Variants in NAPA observed in about 807,000 individuals in gnomAD.
The protein encoded by NAPA is NSF attachment protein alpha, also known as alpha-soluble NSF attachment protein.
Under a neutral mutation model 48.0 loss-of-function variants are expected in NAPA, and 18 were observed. The observed-to-expected ratio is 0.38, with a 90% CI of 0.26 to 0.56. The LOEUF is 0.56. Among genes scored for constraint, NAPA ranks in the 20% least tolerant of loss-of-function variants. The probability of loss-of-function intolerance (pLI) is 0.77; values close to 1 mark genes in which losing one functional copy is unlikely to be tolerated. For missense variants in NAPA, 315 were observed against 385.0 expected (o/e 0.82, Z 1.52); for synonymous variants, 152 against 149.9 (o/e 1.01, Z -0.10).
intron 1 of NAPA, among the ~76,000 whole-genome samples, chr19:47,510,779 C>T (rs1968790476): frequency 6.6e-6 from 1 of 152,214 alleles, no homozygotes; most frequent in Non-Finnish European, 1.5e-5. Flanking sequence ...TGTGCCTGGA[C>T]TCAGCCATCC....
At chr19:47,491,831 G>A (rs1968273839) in intron 8 of NAPA, among the ~76,000 whole-genome samples, 184 bp downstream of exon 8, 1 of 152,238 alleles carries the variant, frequency 6.6e-6, no homozygotes. Context: ...CTCCAGGGCT[G>A]GGTGGGCAGG....
intron 10 of NAPA, 24 bp from the exon 11 acceptor site, chr19:47,488,413 C>T: frequency 6.3e-7 from 1 of 1,585,166 alleles, no homozygotes; most frequent in South Asian, 1.1e-5. Context: ...AGGTGATAGG[C>T]TGGCCATGCT....
At chr19:47,491,917 G>A in intron 8 of NAPA, 98 bp downstream of exon 8, 14 of 1,070,720 alleles carry the variant, frequency 1.3e-5, no homozygotes, top group Non-Finnish European at 1.8e-5. Context: ...CCAGACGTGA[G>A]GGAGGAGCAC....
chr19:47,492,060 G>T lies in NAPA; in HGVS notation c.621C>A (p.Phe207Leu), dbSNP rs771758328. The T allele has an allele frequency of 3.1e-6, 5 of 1,614,032 alleles. No homozygotes were observed. The highest frequency in any genetic ancestry group is 3.4e-6 in the Non-Finnish European group (4 of 1,179,996). The stretch of plus-strand genomic sequence containing the variant: ...TGCAGAAGTGGCAGAGGGCCGCCTT[G>T]AAGAAGTAGTCTTTGGCGCTGTACT... Reference protein sequence around the residue: ...LLKYSAKDYFFKAALCHFCID... With the variant: ...LLKYSAKDYFLKAALCHFCID... The change falls in exon 8 of 11, where the codon TTC becomes TTA. Residue 207 changes from phenylalanine (F) to leucine (L), a missense_variant. Phe to Leu is a conservative substitution (Grantham distance 22). Around this residue, in one of 3 missense-constraint regions of NAPA, gnomAD observed 137 missense variants for 150.1 expected, o/e 0.91. Coordinates refer to ENST00000263354, the MANE Select transcript of NAPA (RefSeq NM_003827.4).
At position 47,490,691 on chromosome 19, in the gene NAPA, G is replaced by A. The variant is rs548149080; in HGVS notation, c.735+97C>T. 3.4e-5 allele frequency: 22 copies of A among 643,864 alleles called. 1 individual carries two copies. In the African/African-American group the frequency reaches 4.1e-4, roughly 12 times the overall value. The allele number at this position is 643,864 out of a possible 1,614,324, so 39.9% of individuals were successfully genotyped here. On this transcript the variant is annotated intron_variant, in intron 9 of 10. Transcript: ENST00000263354. ...AAAACAAAACAAAGACACCCTCTGA[G>A]AACTACTGGACAAGTCTTGGCGATT...
At chr19:47,491,040 C>T (rs1968252296) in intron 8 of NAPA, 184 bp from the exon 9 acceptor site, 1 of 531,954 alleles carries the variant, frequency 1.9e-6, no homozygotes, top group South Asian at 2.3e-5. Flanking sequence ...AGCTCAGCAC[C>T]AGCCTGGCTG....
chr19:47,508,238 T>C (rs1968731541), intron 1 of NAPA, among the ~76,000 whole-genome samples: 1 of 152,192 alleles, frequency 6.6e-6, no homozygotes, highest in African/African-American at 2.4e-5. Flanking sequence ...GGGTCCACCC[T>C]GGCACAGGGA....
At chr19:47,504,870 T>C (rs1375114338) in intron 1 of NAPA, among the ~76,000 whole-genome samples, 2 of 152,178 alleles carry the variant, frequency 1.3e-5, no homozygotes, top group African/African-American at 4.8e-5. Flanking sequence ...CATAGCATTA[T>C]TTAAAACAGC....
intron 3 of NAPA, among the ~76,000 whole-genome samples, chr19:47,498,301 C>T (rs1968483797): frequency 6.6e-6 from 1 of 152,168 alleles, no homozygotes; most frequent in South Asian, 2.1e-4. Flanking sequence ...GCCTCCAGCG[C>T]TGTCTCACAA....
chr19:47,492,114 C>A lies in NAPA; in HGVS notation c.567G>T (p.Gly189=). The A allele has an allele frequency of 6.2e-7, 1 of 1,613,590 alleles. No homozygotes were observed. The highest frequency in any genetic ancestry group is 8.5e-7 in the Non-Finnish European group (1 of 1,179,684). ...QKAIDIYEQV[G]TNAMDSPLLK... The stretch of plus-strand genomic sequence containing the variant: ...GGAGGGGGCTGTCCATGGCATTGGT[C>A]CCCACCTGTAGCCATGGAGAAGTGG... Residue 189 remains glycine (G), a synonymous_variant, in exon 8 of 11, where the codon GGG becomes GGT. Coordinates refer to ENST00000263354, the MANE Select transcript of NAPA (RefSeq NM_003827.4).
intron 1 of NAPA, among the ~76,000 whole-genome samples, chr19:47,508,251 C>T (rs896802992): frequency 6.6e-6 from 1 of 152,206 alleles, no homozygotes; most frequent in Non-Finnish European, 1.5e-5. Flanking sequence ...CACAGGGAGC[C>T]GGGGGCCACC....
At chr19:47,486,223 C>T (rs1048580080), downstream of NAPA, among the ~76,000 whole-genome samples, 9 of 152,010 alleles carry the variant, frequency 5.9e-5, no homozygotes, top group Admixed American at 1.3e-4. Context: ...GGCGTGGTGG[C>T]GCACGCTTGT....
chr19:47,486,465 T>C (rs1157890893), downstream of NAPA, among the ~76,000 whole-genome samples: 1 of 152,130 alleles, frequency 6.6e-6, no homozygotes, highest in Admixed American at 6.5e-5. Flanking sequence ...CCATCATGCC[T>C]AATTTTTGTA....
Position 47,488,181 on chromosome 19 carries a change from CGGCACTCCCCAGAT to C in NAPA, c.*93_*106del, listed in dbSNP as rs1968127035. Reference sequence around the variant, plus strand: ...GGTGCCACCTGCCCACTGTGGCCCGCGGCACTCCCCAGATGGGAAAGGAGGGAAGCTCTCCAGCA... The same window carrying C: ...GGTGCCACCTGCCCACTGTGGCCCGCGGGAAAGGAGGGAAGCTCTCCAGCA... On this transcript the variant is annotated 3_prime_UTR_variant, in exon 11 of 11. Coordinates refer to ENST00000263354, the MANE Select transcript of NAPA (RefSeq NM_003827.4). 4 of 1,082,570 alleles carry C rather than the reference CGGCACTCCCCAGAT, an allele frequency of 3.7e-6. No individual in the cohort carries two copies. Among genetic ancestry groups the C allele is most frequent in the Non-Finnish European group, 5.4e-6 (4 of 745,746 alleles). The allele number at this position is 1,082,570 out of a possible 1,614,324, so 67.1% of individuals were successfully genotyped here. A position where few individuals can be genotyped will look rare whatever the true frequency, so the allele number is the denominator to read the frequency against.
chr19:47,513,938 C>G (rs965799543), intron 1 of NAPA, among the ~76,000 whole-genome samples: 6 of 33,802 alleles, frequency 1.8e-4, no homozygotes, highest in Non-Finnish European at 9.3e-4. Context: ...CAACCTCTAC[C>G]TCCGGGTTCA....
At chr19:47,508,252 G>A (rs1215426044) in intron 1 of NAPA, among the ~76,000 whole-genome samples, 2 of 152,324 alleles carry the variant, frequency 1.3e-5, no homozygotes, top group East Asian at 3.9e-4. Context: ...ACAGGGAGCC[G>A]GGGGCCACCA....
chr19:47,493,354 G>A lies in NAPA; in HGVS notation c.420+62C>T. 1.9e-6 allele frequency: 3 copies of A among 1,582,224 alleles called. No individual in the cohort carries two copies. Among genetic ancestry groups the A allele is most frequent in the South Asian group, 2.2e-5 (2 of 90,362 alleles). Reference sequence around the variant, plus strand: ...AGACACCAGAGGACTCCCCTGGTGGGAAGAAGAGAGAGCAGCACTGGTCCT... The same window carrying A: ...AGACACCAGAGGACTCCCCTGGTGGAAAGAAGAGAGAGCAGCACTGGTCCT... On this transcript the variant is annotated intron_variant, in intron 5 of 10. Transcript: ENST00000263354. The surrounding 1 kb of genome is among the most constrained non-coding windows in gnomAD (Gnocchi z 6.4).
intron 2 of NAPA, 53 bp from the exon 3 acceptor site, chr19:47,500,802 G>C (rs998690666): frequency 1.0e-5 from 14 of 1,385,970 alleles, no homozygotes; most frequent in South Asian, 5.3e-5. Context: ...CACACTTTAT[G>C]AAGCCACAGA....
intron 10 of NAPA, 138 bp from the exon 11 acceptor site, chr19:47,488,527 G>T (rs1234960727): frequency 6.7e-6 from 4 of 595,500 alleles, no homozygotes; most frequent in East Asian, 2.9e-5. Context: ...GAGGGCTTGA[G>T]GCCCCAACTC....
Sources: allele counts gnomAD v4.1 joint callset (sites outside exome capture counted in the v4.1 genomes callset), GRCh38; gene constraint gnomAD v4.1.1; regional missense constraint gnomAD v4.1.1; non-coding constraint Gnocchi (gnomAD v3.1); transcripts MANE v1.5; gene names NCBI Gene and HGNC (gene_info 2026-07-23, HGNC 2026-07-21).